The following CARMIL1 variants were observed in gnomAD, a reference collection of about 807,000 sequenced individuals.
CARMIL1 encodes capping protein regulator and myosin 1 linker 1.
Under a neutral mutation model 177.1 loss-of-function variants are expected in CARMIL1, and 90 were observed. The ratio of observed to expected loss-of-function variants is 0.51; its 90% confidence interval spans 0.43 to 0.61. The LOEUF (loss-of-function observed/expected upper bound fraction) is 0.61. Ranked by LOEUF, CARMIL1 falls within the 20% of genes least tolerant of loss-of-function variation. CARMIL1 has a pLI of 0.00. For synonymous variants in CARMIL1, 577 were observed against 606.2 expected, an observed-to-expected ratio of 0.95 and a Z score of 0.71; for missense variants, 1,380 against 1,667.0, an observed-to-expected ratio of 0.83 and a Z score of 3.00.
intron 29 of CARMIL1, among the ~76,000 whole-genome samples, chr6:25,570,982 A>G (rs1812021190): frequency 6.6e-6 from 1 of 152,204 alleles, no homozygotes; most frequent in Non-Finnish European, 1.5e-5. Flanking sequence ...TGAGATTTAC[A>G]CCATCTCAGA....
chr6:25,410,857 A>C (rs73730737), intron 2 of CARMIL1, among the ~76,000 whole-genome samples: 1 of 152,132 alleles, frequency 6.6e-6, no homozygotes. Context: ...AATAAGCCCT[A>C]ATAGGCACAG....
chr6:25,471,544 T>C lies in CARMIL1; in HGVS notation c.779+287T>C, dbSNP rs115413613. On this transcript the variant is annotated intron_variant, in intron 10 of 36. Transcript: ENST00000329474. Reference sequence around the variant, plus strand: ...GTCTCCTGGCCTTGCACAAGTTGTTTACGCTTTCTGTGCCTCATTCTCTTC... The same window carrying C: ...GTCTCCTGGCCTTGCACAAGTTGTTCACGCTTTCTGTGCCTCATTCTCTTC... Among the ~76,000 whole-genome samples the C allele has an allele frequency of 9.0e-3, 1,370 of 152,328 alleles. 7 individuals carry two copies. Among genetic ancestry groups the C allele is most frequent in the South Asian group, 0.03 (145 of 4,828 alleles).
intron 2 of CARMIL1, among the ~76,000 whole-genome samples, chr6:25,306,083 A>G (rs1288621434): frequency 6.6e-6 from 1 of 152,106 alleles, no homozygotes; most frequent in East Asian, 1.9e-4. Flanking sequence ...CTGAGTCCTC[A>G]TTCCACCTCC....
chr6:25,327,251 C>T (rs1785210589), intron 2 of CARMIL1, among the ~76,000 whole-genome samples: 1 of 151,944 alleles, frequency 6.6e-6, no homozygotes, highest in African/African-American at 2.4e-5. Context: ...GAGCAAGAGC[C>T]AGCAAAAGAA....
chr6:25,295,172 A>G (rs1269845474), intron 2 of CARMIL1, among the ~76,000 whole-genome samples: 1 of 149,726 alleles, frequency 6.7e-6, no homozygotes. Flanking sequence ...TAATCATTGG[A>G]AAAAAAATCA....
intron 18 of CARMIL1, 37 bp from the exon 19 acceptor site, chr6:25,510,468 CAT>C (rs139587245): frequency 0.084 from 100,040 of 1,184,032 alleles, 4,931 homozygotes; most frequent in Non-Finnish European, 0.099. Flanking sequence ...AATTTATACA[CAT>C]GTGTTTTGAT....
rs769813254 is a variant in CARMIL1, at chr6:25,471,202, G to T, written c.724G>T (p.Val242Leu). 11 of 1,613,198 alleles carry T rather than the reference G, an allele frequency of 6.8e-6. No individual in the cohort carries two copies. The African/African-American group carries it at 1.3e-4, about 20-fold the overall frequency. Reference protein sequence around the residue: ...TDVCEQILRVVSRSNRLEELV... With the variant: ...TDVCEQILRVLSRSNRLEELV... ...TGTCTGTGAACAGATCTTGAGGGTG[G>T]TGAGTAGGTCCAATCGACTGGAAGA... The change falls in exon 10 of 37, where the codon GTG (valine) becomes TTG (leucine). Residue 242 changes from valine (V) to leucine (L), a missense_variant. Physicochemically the swap from Val to Leu is conservative, Grantham distance 32 (BLOSUM62 1). Transcript: ENST00000329474.
intron 2 of CARMIL1, among the ~76,000 whole-genome samples, chr6:25,377,813 C>T (rs146697592): frequency 6.6e-6 from 1 of 152,234 alleles, no homozygotes; most frequent in East Asian, 1.9e-4. Flanking sequence ...ATGCTAATCT[C>T]CTATGTCAGT....
At chr6:25,450,567 T>C (rs1042557564) in intron 7 of CARMIL1, 71 bp from the exon 8 acceptor site, 82 of 1,071,054 alleles carry the variant, frequency 7.7e-5, no homozygotes, top group Non-Finnish European at 1.1e-4. Flanking sequence ...ATTGTCTAAT[T>C]CTCACTGTCT....
intron 5 of CARMIL1, among the ~76,000 whole-genome samples, chr6:25,440,186 C>G (rs1797610705): frequency 6.6e-6 from 1 of 152,178 alleles, no homozygotes. Flanking sequence ...GCCCTGCCTT[C>G]AAACCATGAA....
At chr6:25,576,348 T>G (rs1259514353) in intron 29 of CARMIL1, among the ~76,000 whole-genome samples, 1 of 152,192 alleles carries the variant, frequency 6.6e-6, no homozygotes, top group East Asian at 1.9e-4. Context: ...TCATCAATAT[T>G]GAATTACACT....
At position 25,620,234 on chromosome 6, in the gene CARMIL1, C is replaced by T. The variant is rs918160454; in HGVS notation, c.*651C>T. On this transcript the variant is annotated 3_prime_UTR_variant, in exon 37 of 37. Coordinates refer to ENST00000329474, the MANE Select transcript of CARMIL1 (RefSeq NM_017640.6). Reference sequence around the variant, plus strand: ...GTCGGTGACCTTTGCATACCATCAACGAGCACAGCTAAGAACAGAGTGAGA... The same window carrying T: ...GTCGGTGACCTTTGCATACCATCAATGAGCACAGCTAAGAACAGAGTGAGA... 5.9e-5 allele frequency: 9 copies of T among 152,358 alleles called. No homozygotes were observed. Among genetic ancestry groups the T allele is most frequent in the Non-Finnish European group, 1.2e-4 (8 of 68,030 alleles). The allele number at this position is 152,358 out of a possible 1,614,324, so 9.4% of individuals were successfully genotyped here.
chr6:25,608,550 GTTTTA>G (rs1816207059), intron 35 of CARMIL1, among the ~76,000 whole-genome samples: 1 of 152,116 alleles, frequency 6.6e-6, no homozygotes, highest in Non-Finnish European at 1.5e-5. Context: ...GTTGCAAGAA[GTTTTA>G]TTTTGTTTAT....
chr6:25,420,869 A>G (rs1795802493), intron 3 of CARMIL1, among the ~76,000 whole-genome samples: 1 of 152,228 alleles, frequency 6.6e-6, no homozygotes, highest in African/African-American at 2.4e-5. Context: ...TATTGACTGA[A>G]TGGTCATAGG....
intron 12 of CARMIL1, among the ~76,000 whole-genome samples, chr6:25,485,812 T>C (rs543919142): frequency 2.0e-5 from 3 of 152,306 alleles, no homozygotes; most frequent in African/African-American, 7.2e-5. Flanking sequence ...AATTGACTTC[T>C]TGAAGTATTT....
At chr6:25,329,351 G>A (rs906665632) in intron 2 of CARMIL1, among the ~76,000 whole-genome samples, 10 of 152,130 alleles carry the variant, frequency 6.6e-5, no homozygotes, top group African/African-American at 1.7e-4. Context: ...CTGCCATCCC[G>A]AAAGCACCCT....
At chr6:25,293,262 C>CT (rs1782121110) in intron 2 of CARMIL1, among the ~76,000 whole-genome samples, 1 of 64,520 alleles carries the variant, frequency 1.5e-5, no homozygotes, top group East Asian at 4.6e-4. Flanking sequence ...AAGAAGGATG[C>CT]TTGGTGTGTG....
At chr6:25,285,296 G>A (rs1435453516) in intron 2 of CARMIL1, among the ~76,000 whole-genome samples, 1 of 152,088 alleles carries the variant, frequency 6.6e-6, no homozygotes, top group Non-Finnish European at 1.5e-5. Flanking sequence ...ATCTCATGTT[G>A]GTTTAATTAC....
intron 29 of CARMIL1, chr6:25,563,904 C>T: frequency 1.0e-6 from 1 of 984,038 alleles, no homozygotes; most frequent in South Asian, 4.7e-5. Context: ...TCTTTCAAAC[C>T]TTTGGTAACA....
Sources: gnomAD v4.1 joint callset for allele counts (sites outside exome capture counted in the v4.1 genomes callset) on GRCh38, gnomAD v4.1.1 for gene constraint, MANE v1.5 for transcripts, NCBI Gene and HGNC (gene_info 2026-07-23, HGNC 2026-07-21) for gene names.